Variants in VPS13B observed in about 807,000 individuals in gnomAD.
VPS13B encodes the protein intermembrane lipid transfer protein VPS13B.
A neutral mutation model predicts 426.4 loss-of-function variants in VPS13B; 285 were observed. The observed-to-expected ratio is 0.67, with a 90% CI of 0.61 to 0.74. The LOEUF is 0.74. Among genes scored for constraint, VPS13B ranks in the 30% least tolerant of loss-of-function variants. The pLI is 0.00. For missense variants in VPS13B, 4,537 were observed against 4,782.6 expected (o/e 0.95, Z 1.51); for synonymous variants, 1,676 against 1,676.4 (o/e 1.00, Z 0.01).
At chr8:99,445,227 T>C (rs909661507) in intron 23 of VPS13B, among the ~76,000 whole-genome samples, 22 of 148,798 alleles carry the variant, frequency 1.5e-4, no homozygotes, top group Non-Finnish European at 3.0e-4. Context: ...TGAATATTTA[T>C]ATTATAAATT....
rs1417273563 is a variant in VPS13B, at chr8:99,441,971, T to C, written c.3211-430T>C. On this transcript the variant is annotated intron_variant, in intron 22 of 61. Transcript: ENST00000357162. Reference sequence around the variant, plus strand: ...TTTTAAACAATGTTTTCTTATATTCTAGTCTGTAAAGTAAAAATGGAAGGA... The same window carrying C: ...TTTTAAACAATGTTTTCTTATATTCCAGTCTGTAAAGTAAAAATGGAAGGA... Among the ~76,000 whole-genome samples, 3 of 152,152 alleles carry C rather than the reference T, an allele frequency of 2.0e-5. No individual in the cohort carries two copies. The East Asian group carries it at 5.8e-4, about 29-fold the overall frequency.
intron 5 of VPS13B, 113 bp from the exon 6 acceptor site, chr8:99,110,985 T>A: frequency 5.0e-6 from 4 of 802,486 alleles, no homozygotes; most frequent in Non-Finnish European, 7.4e-6. Flanking sequence ...AAATGCTCCA[T>A]GAATCTTATT....
At chr8:99,561,453 G>T (rs560414427) in intron 31 of VPS13B, among the ~76,000 whole-genome samples, 207 of 152,214 alleles carry the variant, frequency 1.4e-3, no homozygotes, top group African/African-American at 4.6e-3. Context: ...GATTTATAAT[G>T]GGTCAATTTA....
intron 14 of VPS13B, among the ~76,000 whole-genome samples, chr8:99,149,349 G>A (rs370501419): frequency 3.9e-5 from 6 of 152,232 alleles, no homozygotes; most frequent in South Asian, 4.1e-4. Flanking sequence ...ACAGAGTCTC[G>A]CTCTGTTGCC....
At chr8:99,774,779 A>G (rs780757681) in intron 40 of VPS13B, among the ~76,000 whole-genome samples, 4 of 152,214 alleles carry the variant, frequency 2.6e-5, no homozygotes, top group Non-Finnish European at 5.9e-5. Context: ...TATCTTGCCA[A>G]TGAAATCTTT....
At chr8:99,605,491 C>T (rs1372229757) in intron 33 of VPS13B, among the ~76,000 whole-genome samples, 1 of 152,148 alleles carries the variant, frequency 6.6e-6, no homozygotes. Flanking sequence ...AAATGTTTCT[C>T]CTGCTTAATT....
chr8:99,029,755 G>GGGAGACCGTGGAA (rs1210977827), intron 2 of VPS13B, among the ~76,000 whole-genome samples: 12 of 151,486 alleles, frequency 7.9e-5, no homozygotes, highest in Admixed American at 2.6e-4. Context: ...CGGCATCAGA[G>GGGAGACCGTGGAA]GGAGACCGTG....
intron 8 of VPS13B, among the ~76,000 whole-genome samples, chr8:99,129,728 T>C (rs1460659458): frequency 2.6e-5 from 4 of 152,156 alleles, no homozygotes; most frequent in African/African-American, 7.2e-5. Context: ...TTTTTTCCTG[T>C]TTAGTTTTAA....
At chr8:99,162,246 T>G (rs1428638106) in intron 15 of VPS13B, among the ~76,000 whole-genome samples, 1 of 152,192 alleles carries the variant, frequency 6.6e-6, no homozygotes, top group Non-Finnish European at 1.5e-5. Flanking sequence ...TTTAGTAGCC[T>G]TTGAGGAAGT....
chr8:99,568,299 A>ATT (rs1290790891), intron 31 of VPS13B, among the ~76,000 whole-genome samples: 1 of 141,018 alleles, frequency 7.1e-6, no homozygotes, highest in African/African-American at 2.7e-5. Context: ...TATTATTATT[A>ATT]TTTTTTTTTG....
At chr8:99,806,952 G>A (rs966670818) in intron 43 of VPS13B, among the ~76,000 whole-genome samples, 1 of 152,130 alleles carries the variant, frequency 6.6e-6, no homozygotes, top group Non-Finnish European at 1.5e-5. Context: ...TAGGCCTCCT[G>A]AATTTCTTTT....
intron 30 of VPS13B, among the ~76,000 whole-genome samples, chr8:99,542,831 T>C (rs918996751): frequency 3.3e-5 from 5 of 152,154 alleles, no homozygotes; most frequent in African/African-American, 1.2e-4. Flanking sequence ...ACCTACCTCA[T>C]AGGGTTGTTA....
intron 33 of VPS13B, among the ~76,000 whole-genome samples, chr8:99,586,195 G>T (rs1342204945): frequency 6.6e-6 from 1 of 152,130 alleles, no homozygotes; most frequent in Non-Finnish European, 1.5e-5. Context: ...GTTAAAACAG[G>T]ATTTCTGTTT....
At chr8:99,060,299 G>A (rs1290989479) in intron 3 of VPS13B, among the ~76,000 whole-genome samples, 1 of 152,078 alleles carries the variant, frequency 6.6e-6, no homozygotes, top group African/African-American at 2.4e-5. Context: ...TGTTATAAAT[G>A]TTTGATTCTT....
At chr8:99,571,926 C>T (rs1762745412) in intron 31 of VPS13B, among the ~76,000 whole-genome samples, 1 of 152,074 alleles carries the variant, frequency 6.6e-6, no homozygotes, top group Admixed American at 6.5e-5. Flanking sequence ...TGGCAGACAC[C>T]ATATAGAGCT....
intron 19 of VPS13B, among the ~76,000 whole-genome samples, chr8:99,314,534 T>G (rs1368527553): frequency 6.6e-6 from 1 of 152,312 alleles, no homozygotes; most frequent in African/African-American, 2.4e-5. Context: ...AGTCCCCAAC[T>G]ATTATTATAT....
At chr8:99,099,001 T>C (rs560125643) in intron 4 of VPS13B, among the ~76,000 whole-genome samples, 11 of 152,256 alleles carry the variant, frequency 7.2e-5, no homozygotes, top group African/African-American at 2.6e-4. Context: ...GCAATACTTA[T>C]ACACTAATTT....
intron 19 of VPS13B, among the ~76,000 whole-genome samples, chr8:99,326,227 A>G (rs1354262479): frequency 6.6e-6 from 1 of 151,994 alleles, no homozygotes; most frequent in Admixed American, 6.6e-5. Flanking sequence ...AAAAACAGGC[A>G]TGTGCGACAG....
intron 17 of VPS13B, among the ~76,000 whole-genome samples, chr8:99,193,691 TAAAGTA>T (rs1384486803): frequency 6.6e-6 from 1 of 152,174 alleles, no homozygotes; most frequent in Non-Finnish European, 1.5e-5. Context: ...TAATTATGCT[TAAAGTA>T]ACATTATTTT....
Sources: allele counts gnomAD v4.1 joint callset (sites outside exome capture counted in the v4.1 genomes callset), GRCh38; gene constraint gnomAD v4.1.1; transcripts MANE v1.5; gene names NCBI Gene and HGNC (gene_info 2026-07-23, HGNC 2026-07-21).